TSGA13: variants seen among roughly 807,000 people sequenced by gnomAD.
TSGA13 encodes the protein testis specific 13.
TSGA13 carries 37 observed loss-of-function variants against 35.1 expected under a neutral mutation model. The observed-to-expected ratio is 1.05, with a 90% CI of 0.81 to 1.39. TSGA13 has a LOEUF of 1.39. Among genes scored for constraint, TSGA13 ranks in the 40% most tolerant of loss-of-function variants. TSGA13 has a pLI of 0.00. For missense variants in TSGA13, 338 were observed against 328.5 expected, an observed-to-expected ratio of 1.03 and a Z score of -0.22; for synonymous variants, 124 against 121.2, an observed-to-expected ratio of 1.02 and a Z score of -0.15.
At chr7:130,682,727 C>G (rs534909129) in intron 3 of TSGA13, among the ~76,000 whole-genome samples, 38 of 152,254 alleles carry the variant, frequency 2.5e-4, no homozygotes, top group African/African-American at 8.9e-4. Flanking sequence ...GGAGGCCCTG[C>G]TATGCTCCAG....
chr7:130,681,703 T>C (rs1259390506), intron 3 of TSGA13, among the ~76,000 whole-genome samples: 1 of 152,156 alleles, frequency 6.6e-6, no homozygotes, highest in African/African-American at 2.4e-5. Context: ...AGTGGATTAT[T>C]TGAGTGTCAT....
At chr7:130,676,962 G>A (rs972285616) in intron 5 of TSGA13, among the ~76,000 whole-genome samples, 1 of 150,780 alleles carries the variant, frequency 6.6e-6, no homozygotes, top group Non-Finnish European at 1.5e-5. Flanking sequence ...GTGCGATCTC[G>A]GCTCACTGCG....
intron 5 of TSGA13, among the ~76,000 whole-genome samples, chr7:130,676,239 G>A (rs1796408864): frequency 6.6e-6 from 1 of 152,236 alleles, no homozygotes; most frequent in Non-Finnish European, 1.5e-5. Context: ...AAGAGGCATT[G>A]TAGATATCAC....
intron 4 of TSGA13, 22 bp from the exon 5 acceptor site, chr7:130,679,389 C>T (rs751214048): frequency 1.1e-5 from 17 of 1,580,936 alleles, no homozygotes; most frequent in Non-Finnish European, 1.3e-5. Context: ...GAAAGGTTTC[C>T]AGAGAGAAAA....
In TSGA13 at chr7:130,679,339, G is replaced by C. The variant is rs782810750; in HGVS notation, c.203C>G (p.Thr68Ser). The change falls in exon 5 of 8, where the codon ACT (threonine) becomes AGT (serine). Residue 68 changes from threonine to serine, a missense_variant. Physicochemically the swap from Thr to Ser is moderately conservative, Grantham distance 58. Coordinates refer to ENST00000356588, the MANE Select transcript of TSGA13 (RefSeq NM_052933.4). ...TTGAGCCAGGAATTTCTGCAGGGCA[G>C]TGGCCTTCAAAGGCTTATAGTACTG... ...LAQYYKPLKA[T>S]ALQKFLAQNR... 4 of 1,613,440 alleles carry C rather than the reference G, an allele frequency of 2.5e-6. No homozygotes were observed. The highest frequency in any genetic ancestry group is 3.4e-6 in the Non-Finnish European group (4 of 1,179,676).
chr7:130,671,420 C>A (rs1796265636), intron 7 of TSGA13, among the ~76,000 whole-genome samples: 1 of 151,980 alleles, frequency 6.6e-6, no homozygotes, highest in Non-Finnish European at 1.5e-5. Flanking sequence ...TATTAAAGTG[C>A]TGGGTGATAT....
Position 130,669,043 on chromosome 7 carries a change from T to A in TSGA13, c.799A>T (p.Ile267Phe). 6.2e-7 allele frequency: 1 copy of A among 1,614,158 alleles called. No individual in the cohort carries two copies. Among genetic ancestry groups the A allele is most frequent in the Non-Finnish European group, 8.5e-7 (1 of 1,180,028 alleles). ...AFRNGRAPQW[I>F]IKKATVIG ...CCGATGACCGTGGCCTTTTTGATAATCCACTGCGGGGCCCTCCCGTTGCGG... is the reference window on the plus strand; with the variant it reads ...CCGATGACCGTGGCCTTTTTGATAAACCACTGCGGGGCCCTCCCGTTGCGG... The change falls in exon 8 of 8, where the codon ATT becomes TTT. Residue 267 changes from isoleucine to phenylalanine, a missense_variant. Coordinates refer to ENST00000356588, the MANE Select transcript of TSGA13 (RefSeq NM_052933.4).
chr7:130,675,241 G>GTA (rs1172616663), intron 5 of TSGA13, among the ~76,000 whole-genome samples: 4 of 149,576 alleles, frequency 2.7e-5, no homozygotes, highest in South Asian at 2.1e-4. Flanking sequence ...ATATATATAT[G>GTA]TATATATATA....
chr7:130,671,784 A>G lies in TSGA13; in HGVS notation c.535T>C (p.Ser179Pro). ...TSKREQWFRF[S>P]TDNDFKSEGK... ...TCGCTCTTGAAATCATTGTCAGTGG[A>G]AAACCTTAACAAAGAAAGTTCTTTG... The change falls in exon 7 of 8, where the codon TCC becomes CCC. Residue 179 changes from serine to proline, a missense_variant. Coordinates refer to ENST00000356588, the MANE Select transcript of TSGA13 (RefSeq NM_052933.4). The G allele has an allele frequency of 1.3e-6, 2 of 1,583,738 alleles. No homozygotes were observed. The highest frequency in any genetic ancestry group is 1.7e-6 in the Non-Finnish European group (2 of 1,161,374).
rs10634079 is a variant in TSGA13 at position 130,678,378 on chromosome 7, CAA to C, written c.387+775_387+776del. 5.6e-4 allele frequency among the ~76,000 whole-genome samples: 74 copies of C among 132,756 alleles called. No individual in the cohort carries two copies. In the East Asian group the frequency reaches 0.012, roughly 21 times the overall value. The allele number at this position is 132,756 out of a possible 152,430, so 87.1% of individuals were successfully genotyped here. A position where few individuals can be genotyped will look rare whatever the true frequency, so the allele number is the denominator to read the frequency against. On this transcript the variant is annotated intron_variant, in intron 5 of 7. Transcript: ENST00000356588. ...TGAGCGATAGAACGAGACTCCGTCT[CAA>C]AAAAAAAAAAAATGGTTTGGCTACT... is the stretch of plus-strand genomic sequence containing the variant.
chr7:130,680,139 G>A (rs556243323), intron 4 of TSGA13, among the ~76,000 whole-genome samples: 5 of 152,278 alleles, frequency 3.3e-5, no homozygotes, highest in South Asian at 2.1e-4. Flanking sequence ...CATCTTCCAC[G>A]TAATGTTCCA....
At chr7:130,683,186 T>C (rs2116329066) in intron 3 of TSGA13, among the ~76,000 whole-genome samples, 1 of 152,332 alleles carries the variant, frequency 6.6e-6, no homozygotes, top group South Asian at 2.1e-4. Context: ...GTGTTTTTAG[T>C]TTTGTTATGT....
chr7:130,685,492 A>G (rs1386585048), intron 1 of TSGA13, 132 bp from the exon 2 acceptor site: 8 of 813,010 alleles, frequency 9.8e-6, no homozygotes, highest in African/African-American at 1.7e-5. Flanking sequence ...CGATTATCCA[A>G]TGTAAAACAA....
At position 130,685,195 on chromosome 7, in the gene TSGA13, G is replaced by C; in HGVS notation, c.16C>G (p.Gln6Glu). 5.6e-6 allele frequency: 9 copies of C among 1,613,470 alleles called. No homozygotes were observed. The highest frequency in any genetic ancestry group is 7.6e-6 in the Non-Finnish European group (9 of 1,179,400). The change falls in exon 2 of 8, where the codon CAA (glutamine) becomes GAA (glutamate). Residue 6 changes from glutamine (Q) to glutamate (E), a missense_variant. Coordinates refer to ENST00000356588, the MANE Select transcript of TSGA13 (RefSeq NM_052933.4). MSQKR[Q>E]TKFQNGKSKT... ...GCAAACAAGACTACATACTTGGTTT[G>C]TCTCTTTTGGCTCATTGCTGTTGAC...
At chr7:130,672,405 C>G (rs781966132) in intron 6 of TSGA13, among the ~76,000 whole-genome samples, 6 of 152,048 alleles carry the variant, frequency 3.9e-5, no homozygotes, top group Admixed American at 3.3e-4. Flanking sequence ...CCTCTTTTGT[C>G]TAATGTGTTC....
intron 6 of TSGA13, among the ~76,000 whole-genome samples, chr7:130,672,464 A>G (rs1432982589): frequency 4.2e-5 from 6 of 143,402 alleles, no homozygotes; most frequent in African/African-American, 1.5e-4. Flanking sequence ...TATTGAGGGT[A>G]CTTTTTTTTT....
intron 5 of TSGA13, among the ~76,000 whole-genome samples, chr7:130,674,726 A>AATTAAT (rs1250415256): frequency 1.3e-5 from 2 of 152,220 alleles, no homozygotes; most frequent in African/African-American, 4.8e-5. Context: ...TGACCAAACT[A>AATTAAT]ATTAATTAAC....
rs781873182 is a variant in TSGA13, at chr7:130,679,210, T to A, written c.332A>T (p.Gln111Leu). Residue 111 changes from glutamine to leucine, a missense_variant, in exon 5 of 8, where the codon CAA (glutamine) becomes CTA (leucine). Gln to Leu is a moderately radical substitution (Grantham distance 113). Coordinates refer to ENST00000356588, the MANE Select transcript of TSGA13 (RefSeq NM_052933.4). Reference sequence around the variant, plus strand: ...ATATTTTGATGCACTCTCCTTGTCTTGCTGGGTGATTGAGCAGGGAGGTGG... The same window carrying A: ...ATATTTTGATGCACTCTCCTTGTCTAGCTGGGTGATTGAGCAGGGAGGTGG... ...NNPPPCSITQ[Q>L]DKESASKYFS... 1.2e-6 allele frequency: 2 copies of A among 1,614,204 alleles called. No homozygotes were observed. The highest frequency in any genetic ancestry group is 1.7e-6 in the Non-Finnish European group (2 of 1,180,022).
At chr7:130,682,980 T>C (rs1362954457) in intron 3 of TSGA13, among the ~76,000 whole-genome samples, 3 of 152,170 alleles carry the variant, frequency 2.0e-5, no homozygotes, top group African/African-American at 7.2e-5. Context: ...TTTAGAATCA[T>C]AGAAGTTAGG....
Sources: gnomAD v4.1 joint callset for allele counts (sites outside exome capture counted in the v4.1 genomes callset) on GRCh38, gnomAD v4.1.1 for gene constraint, MANE v1.5 for transcripts, NCBI Gene and HGNC (gene_info 2026-07-23, HGNC 2026-07-21) for gene names.